The following GRM3 variants were observed in gnomAD, a reference collection of about 807,000 sequenced individuals.
GRM3 encodes glutamate metabotropic receptor 3.
Under a neutral mutation model 70.5 loss-of-function variants are expected in GRM3, and 26 were observed. That is an observed-to-expected ratio of 0.37 (90% confidence interval 0.27 to 0.51). GRM3 has a LOEUF of 0.51. Among genes scored for constraint, GRM3 ranks in the 20% least tolerant of loss-of-function variants. The pLI, the probability that GRM3 is intolerant of heterozygous loss-of-function variation, is 0.93. For synonymous variants in GRM3, 443 were observed against 434.9 expected, an observed-to-expected ratio of 1.02 and a Z score of -0.23; for missense variants, 859 against 1,123.8, an observed-to-expected ratio of 0.76 and a Z score of 3.37.
At chr7:86,809,524 A>G (rs568685385) in intron 3 of GRM3, among the ~76,000 whole-genome samples, 3 of 152,150 alleles carry the variant, frequency 2.0e-5, no homozygotes, top group South Asian at 4.1e-4. Context: ...CCTCTTGCAC[A>G]TCCTGTTCAT....
intron 5 of GRM3, among the ~76,000 whole-genome samples, chr7:86,852,640 T>G (rs1798775230): frequency 6.6e-6 from 1 of 152,166 alleles, no homozygotes; most frequent in South Asian, 2.1e-4. Context: ...CCTCATTGTT[T>G]CAGCAATATT....
At chr7:86,712,692 A>G (rs1466122528) in intron 1 of GRM3, among the ~76,000 whole-genome samples, 1 of 151,802 alleles carries the variant, frequency 6.6e-6, no homozygotes, top group African/African-American at 2.4e-5. Context: ...TCTTCAGGAG[A>G]TCCACTTTCT....
intron 1 of GRM3, among the ~76,000 whole-genome samples, chr7:86,750,329 G>A (rs939835871): frequency 6.6e-6 from 1 of 152,066 alleles, no homozygotes; most frequent in East Asian, 1.9e-4. Flanking sequence ...CCAATAGCAT[G>A]CTTGTGTAAT....
chr7:86,654,517 T>C (rs949377645), intron 1 of GRM3, among the ~76,000 whole-genome samples: 2 of 152,142 alleles, frequency 1.3e-5, no homozygotes, highest in Admixed American at 6.5e-5. Context: ...TCTACGTATC[T>C]AAAGCCAAAA....
intron 1 of GRM3, among the ~76,000 whole-genome samples, chr7:86,685,128 A>C (rs1465672833): frequency 6.6e-6 from 1 of 152,182 alleles, no homozygotes; most frequent in Non-Finnish European, 1.5e-5. Context: ...CATGACTTCC[A>C]TCCTCAATTA....
chr7:86,700,471 C>A (rs888518185), intron 1 of GRM3, among the ~76,000 whole-genome samples: 1 of 151,912 alleles, frequency 6.6e-6, no homozygotes, highest in Non-Finnish European at 1.5e-5. Context: ...AGCCTCACAT[C>A]AGTCCCCAGC....
Position 86,786,814 on chromosome 7 carries a change from A to G in GRM3, c.1022A>G (p.Asn341Ser), listed in dbSNP as rs781697966. 3.7e-6 allele frequency: 6 copies of G among 1,614,126 alleles called. No homozygotes were observed. The East Asian group carries it at 6.7e-5, about 18-fold the overall frequency. ...TTCGACCGCTACTTCCAGAGCCTCA[A>G]CCCCTACAACAACCACCGCAACCCC... ...RQFDRYFQSL[N>S]PYNNHRNPWF... Residue 341 changes from asparagine to serine, a missense_variant, in exon 3 of 6, where the codon AAC becomes AGC. By Grantham distance (46) the Asn-to-Ser change is conservative. Coordinates refer to ENST00000361669, the MANE Select transcript of GRM3 (RefSeq NM_000840.3). The surrounding 1 kb of genome is among the most constrained non-coding windows in gnomAD (Gnocchi z 6.0).
At chr7:86,791,373 A>G (rs1797413309) in intron 3 of GRM3, among the ~76,000 whole-genome samples, 1 of 152,230 alleles carries the variant, frequency 6.6e-6, no homozygotes, top group Admixed American at 6.5e-5. Flanking sequence ...TGACTTCTAG[A>G]GTGGCTTGCT....
chr7:86,778,151 C>T (rs1796944112), intron 2 of GRM3, among the ~76,000 whole-genome samples: 1 of 152,132 alleles, frequency 6.6e-6, no homozygotes, highest in South Asian at 2.1e-4. Flanking sequence ...TATCAAGTCT[C>T]CTGATTACAG....
At chr7:86,854,132 C>T (rs1258092701) in intron 5 of GRM3, among the ~76,000 whole-genome samples, 1 of 152,086 alleles carries the variant, frequency 6.6e-6, no homozygotes, top group African/African-American at 2.4e-5. Context: ...TTCCAAATCG[C>T]CAATTAATCC....
chr7:86,744,953 C>A (rs1796069256), intron 1 of GRM3, among the ~76,000 whole-genome samples: 1 of 151,924 alleles, frequency 6.6e-6, no homozygotes, highest in East Asian at 1.9e-4. Flanking sequence ...ATGCTGGTCC[C>A]CCTTGCTGTA....
intron 1 of GRM3, among the ~76,000 whole-genome samples, chr7:86,754,828 G>C (rs1288602393): frequency 6.6e-6 from 1 of 152,034 alleles, no homozygotes; most frequent in Admixed American, 6.6e-5. Flanking sequence ...AAGCAGCACG[G>C]GTGTCACTAT....
chr7:86,646,247 C>A (rs1793469427), intron 1 of GRM3, among the ~76,000 whole-genome samples: 1 of 152,076 alleles, frequency 6.6e-6, no homozygotes, highest in African/African-American at 2.4e-5. Context: ...CTAAAATCAG[C>A]CCAATAGAAT....
At chr7:86,712,847 T>C (rs1319599646) in intron 1 of GRM3, among the ~76,000 whole-genome samples, 2 of 152,156 alleles carry the variant, frequency 1.3e-5, no homozygotes, top group Admixed American at 1.3e-4. Flanking sequence ...CATTTCATTG[T>C]GTATATAACA....
chr7:86,718,632 G>T (rs1409719346), intron 1 of GRM3, among the ~76,000 whole-genome samples: 1 of 151,882 alleles, frequency 6.6e-6, no homozygotes, highest in South Asian at 2.1e-4. Flanking sequence ...ACCTGCCTCT[G>T]TAAGGCAAGT....
At chr7:86,720,125 G>C (rs565375293) in intron 1 of GRM3, among the ~76,000 whole-genome samples, 88 of 151,130 alleles carry the variant, frequency 5.8e-4, no homozygotes, top group African/African-American at 2.1e-3. Flanking sequence ...GGACTAAAAT[G>C]GTAGAAACAA....
At position 86,786,930 on chromosome 7, in the gene GRM3, G is replaced by T; in HGVS notation, c.1138G>T (p.Asp380Tyr). ...CGTCTGCGACAAGCACCTGGCCATCGACAGCAGCAACTACGAGCAAGAGTC... is the reference window on the plus strand; with the variant it reads ...CGTCTGCGACAAGCACCTGGCCATCTACAGCAGCAACTACGAGCAAGAGTC... The part of the protein sequence containing the change: ...RRVCDKHLAI[D>Y]SSNYEQESKI... Residue 380 changes from aspartate (D) to tyrosine (Y), a missense_variant, in exon 3 of 6, where the codon GAC (aspartate) becomes TAC (tyrosine). Transcript: ENST00000361669. The surrounding 1 kb of genome is among the most constrained non-coding windows in gnomAD (Gnocchi z 6.0). The T allele has an allele frequency of 6.2e-7, 1 of 1,614,136 alleles. No homozygotes were observed. The highest frequency in any genetic ancestry group is 8.5e-7 in the Non-Finnish European group (1 of 1,179,984).
intron 1 of GRM3, among the ~76,000 whole-genome samples, chr7:86,700,579 A>G (rs1481008995): frequency 2.0e-5 from 3 of 151,952 alleles, no homozygotes; most frequent in Non-Finnish European, 2.9e-5. Context: ...CTTCTTTAGC[A>G]TGAGCAAAAA....
chr7:86,724,052 C>A (rs959297063), intron 1 of GRM3, among the ~76,000 whole-genome samples: 1 of 152,084 alleles, frequency 6.6e-6, no homozygotes, highest in Admixed American at 6.6e-5. Context: ...TTTTTGTCAC[C>A]ATTTCATAGC....
Sources: gnomAD v4.1 joint callset for allele counts (sites outside exome capture counted in the v4.1 genomes callset) on GRCh38, gnomAD v4.1.1 for gene constraint, Gnocchi (gnomAD v3.1) non-coding constraint, MANE v1.5 for transcripts, NCBI Gene and HGNC (gene_info 2026-07-23, HGNC 2026-07-21) for gene names.